Variants in SDHAF4 observed in about 807,000 individuals in gnomAD.
SDHAF4 encodes the protein succinate dehydrogenase assembly factor 4, mitochondrial.
Under a neutral mutation model 14.3 loss-of-function variants are expected in SDHAF4, and 14 were observed. The observed-to-expected ratio is 0.98, with a 90% CI of 0.65 to 1.53. The LOEUF is 1.53. SDHAF4 is among the 40% of genes most tolerant of loss of function. SDHAF4 has a pLI of 0.00. For missense variants in SDHAF4, 141 were observed against 129.3 expected (o/e 1.09, Z -0.44); for synonymous variants, 63 against 47.3 (o/e 1.33, Z -1.36).
rs780887189 is a variant in SDHAF4, at chr6:70,566,959, C to G, written c.19C>G (p.Pro7Ala). 6.3e-7 allele frequency: 1 copy of G among 1,591,462 alleles called. No individual in the cohort carries two copies. The highest frequency in any genetic ancestry group is 8.6e-7 in the Non-Finnish European group (1 of 1,169,298). The change falls in exon 1 of 3, where the codon CCC (proline) becomes GCC (alanine). Residue 7 changes from proline to alanine, a missense_variant. Pro to Ala is a conservative substitution (Grantham distance 27). Coordinates refer to ENST00000370474, the MANE Select transcript of SDHAF4 (RefSeq NM_145267.3). ...CGGCGCCATGACCCCATCGAGGCTTCCCTGGTTGCTTAGCTGGGTCTCGGC... is the reference window on the plus strand; with the variant it reads ...CGGCGCCATGACCCCATCGAGGCTTGCCTGGTTGCTTAGCTGGGTCTCGGC... MTPSRL[P>A]WLLSWVSATA...
chr6:70,583,646 A>G (rs563841875), intron 2 of SDHAF4, among the ~76,000 whole-genome samples: 25 of 152,344 alleles, frequency 1.6e-4, no homozygotes, highest in African/African-American at 6.0e-4. Flanking sequence ...TAGGCCACAC[A>G]TAAAATACAC....
chr6:70,572,330 C>G (rs76420233), intron 1 of SDHAF4, among the ~76,000 whole-genome samples: 1 of 152,046 alleles, frequency 6.6e-6, no homozygotes, highest in East Asian at 1.9e-4. Flanking sequence ...TGTTGATCTT[C>G]TTTGTTATAA....
chr6:70,591,815 TTA>T (rs545585604), downstream of SDHAF4, among the ~76,000 whole-genome samples: 266 of 152,324 alleles, frequency 1.7e-3, no homozygotes, highest in Middle Eastern at 0.014. Context: ...CCTCCAAAAC[TTA>T]TGTTGAAACT....
chr6:70,592,156 C>T (rs961615230), downstream of SDHAF4, among the ~76,000 whole-genome samples: 21 of 152,204 alleles, frequency 1.4e-4, no homozygotes, highest in African/African-American at 5.1e-4. Flanking sequence ...AACGTCTTTT[C>T]TTTCAAAATT....
intron 1 of SDHAF4, among the ~76,000 whole-genome samples, chr6:70,573,687 T>A (rs201754354): frequency 3.3e-4 from 50 of 151,410 alleles, no homozygotes; most frequent in East Asian, 9.7e-4. Flanking sequence ...ATTTTTTTTT[T>A]ATTTTTTATA....
intron 1 of SDHAF4, among the ~76,000 whole-genome samples, chr6:70,578,042 G>T (rs2691487): frequency 6.6e-6 from 1 of 152,132 alleles, no homozygotes; most frequent in African/African-American, 2.4e-5. Flanking sequence ...GCAAGCGCAT[G>T]TGTCTTTCTG....
intron 1 of SDHAF4, among the ~76,000 whole-genome samples, chr6:70,567,875 C>T (rs1002160262): frequency 1.3e-5 from 2 of 151,992 alleles, no homozygotes; most frequent in Non-Finnish European, 2.9e-5. Flanking sequence ...TTAGTAGAGA[C>T]GGGGTTTCAC....
At chr6:70,574,700 C>A (rs747785513) in intron 1 of SDHAF4, among the ~76,000 whole-genome samples, 1 of 152,194 alleles carries the variant, frequency 6.6e-6, no homozygotes, top group Middle Eastern at 3.4e-3. Flanking sequence ...CTTTGGGAGG[C>A]AAGAGGATCA....
At chr6:70,586,218 G>A (rs1385797228) in intron 2 of SDHAF4, among the ~76,000 whole-genome samples, 1 of 152,154 alleles carries the variant, frequency 6.6e-6, no homozygotes, top group East Asian at 1.9e-4. Flanking sequence ...GGGATTGAAT[G>A]TAAGAGAGAC....
chr6:70,579,450 G>A lies in SDHAF4; in HGVS notation c.101G>A (p.Ser34Asn). The stretch of plus-strand genomic sequence containing the variant: ...CTGTGTCATTCTCTGAGGAAAACAA[G>A]TTCTTCTCAAGGAGGAAAGTCTGAA... ...PLLCHSLRKT[S>N]SSQGGKSELV... Residue 34 changes from serine to asparagine, a missense_variant, in exon 2 of 3, where the codon AGT becomes AAT. Ser to Asn is a conservative substitution (Grantham distance 46, BLOSUM62 1). Transcript: ENST00000370474. The A allele has an allele frequency of 1.0e-5, 16 of 1,607,482 alleles. No individual in the cohort carries two copies. The highest frequency in any genetic ancestry group is 1.3e-5 in the African/African-American group (1 of 74,704).
At chr6:70,587,872 C>CA (rs1285082690) in intron 2 of SDHAF4, among the ~76,000 whole-genome samples, 1 of 152,164 alleles carries the variant, frequency 6.6e-6, no homozygotes, top group Non-Finnish European at 1.5e-5. Flanking sequence ...TACCAGCCAA[C>CA]CAGTTGCTGA....
intron 2 of SDHAF4, among the ~76,000 whole-genome samples, chr6:70,583,893 A>G (rs907747964): frequency 6.6e-6 from 1 of 152,228 alleles, no homozygotes; most frequent in African/African-American, 2.4e-5. Flanking sequence ...TTACAGTGTA[A>G]GGGCTTTATG....
At chr6:70,588,179 A>G (rs1406652935) in intron 2 of SDHAF4, among the ~76,000 whole-genome samples, 2 of 152,218 alleles carry the variant, frequency 1.3e-5, no homozygotes, top group African/African-American at 2.4e-5. Flanking sequence ...TAAAGACTGC[A>G]TGGTAACCAG....
chr6:70,571,869 CT>C, intron 1 of SDHAF4, among the ~76,000 whole-genome samples: 1 of 151,938 alleles, frequency 6.6e-6, no homozygotes, highest in African/African-American at 2.4e-5. Context: ...GGTAAGTTAA[CT>C]TTTTCTGGAA....
downstream of SDHAF4, among the ~76,000 whole-genome samples, chr6:70,592,870 T>G (rs1036768459): frequency 6.6e-6 from 1 of 152,202 alleles, no homozygotes; most frequent in Admixed American, 6.5e-5. Flanking sequence ...GAGATTAATA[T>G]GGCTAGAAAG....
the SDHAF4 span, among the ~76,000 whole-genome samples, chr6:70,594,590 T>C: frequency 6.6e-6 from 1 of 152,082 alleles, no homozygotes; most frequent in Non-Finnish European, 1.5e-5. Flanking sequence ...GAACTTGGAC[T>C]TCCCAGCCTC....
Position 70,588,950 on chromosome 6 carries a change from A to C in SDHAF4, c.*226A>C. On this transcript the variant is annotated 3_prime_UTR_variant, in exon 3 of 3. Transcript: ENST00000370474. ...ATCTCGCCTTTACTAAAAATACAAAATTAGCCAGGCGTGGTGGCATGCACC... is the reference window on the plus strand; with the variant it reads ...ATCTCGCCTTTACTAAAAATACAAACTTAGCCAGGCGTGGTGGCATGCACC... The C allele has an allele frequency of 5.2e-6, 1 of 193,138 alleles. No individual in the cohort carries two copies. Among genetic ancestry groups the C allele is most frequent in the East Asian group, 9.9e-5 (1 of 10,080 alleles). The allele number at this position is 193,138 out of a possible 1,614,324, so 12.0% of individuals were successfully genotyped here. A position where few individuals can be genotyped will look rare whatever the true frequency, so the allele number is the denominator to read the frequency against.
Position 70,588,814 on chromosome 6 carries a change from A to C in SDHAF4, c.*90A>C. 3.4e-6 allele frequency: 2 copies of C among 596,372 alleles called. No homozygotes were observed. Among genetic ancestry groups the C allele is most frequent in the Non-Finnish European group, 5.8e-6 (2 of 347,110 alleles). 36.9% of individuals were successfully genotyped at this position (596,372 alleles called of 1,614,324 possible). A position where few individuals can be genotyped will look rare whatever the true frequency, so the allele number is the denominator to read the frequency against. On this transcript the variant is annotated 3_prime_UTR_variant, in exon 3 of 3. Coordinates refer to ENST00000370474, the MANE Select transcript of SDHAF4 (RefSeq NM_145267.3). ...ATTATTTTCTTTCTTTATATCCTTT[A>C]TGTCGTGTAGTTTGTATAATGTGTT...
At chr6:70,568,806 C>A (rs1802139562) in intron 1 of SDHAF4, among the ~76,000 whole-genome samples, 2 of 152,128 alleles carry the variant, frequency 1.3e-5, no homozygotes, top group Admixed American at 1.3e-4. Flanking sequence ...TGTTGTTCCA[C>A]AAACTTGCCG....
Sources: gnomAD v4.1 joint callset for allele counts (sites outside exome capture counted in the v4.1 genomes callset) on GRCh38, gnomAD v4.1.1 for gene constraint, MANE v1.5 for transcripts, NCBI Gene and HGNC (gene_info 2026-07-23, HGNC 2026-07-21) for gene names.